The following EYA4 variants were observed in gnomAD, a reference collection of about 807,000 sequenced individuals.
The protein encoded by EYA4 is EYA transcriptional coactivator and phosphatase 4.
In EYA4, 31 loss-of-function variants were observed where a neutral mutation model predicts 87.9. That is an observed-to-expected ratio of 0.35 (90% confidence interval 0.27 to 0.48). The LOEUF (loss-of-function observed/expected upper bound fraction) is 0.48, where lower values mean the gene tolerates loss of function less well. Among genes scored for constraint, EYA4 ranks in the 20% least tolerant of loss-of-function variants. EYA4 has a pLI of 0.99. For synonymous variants in EYA4, 263 were observed against 270.6 expected, an observed-to-expected ratio of 0.97 and a Z score of 0.28; for missense variants, 678 against 761.4, an observed-to-expected ratio of 0.89 and a Z score of 1.29.
At chr6:133,317,072 G>A (rs1314021677) in intron 2 of EYA4, among the ~76,000 whole-genome samples, 1 of 152,088 alleles carries the variant, frequency 6.6e-6, no homozygotes, top group East Asian at 1.9e-4. Context: ...AGAGGTTAGA[G>A]AGACAAGAGT....
chr6:133,440,287 T>C (rs1792143795), intron 3 of EYA4, among the ~76,000 whole-genome samples: 1 of 152,216 alleles, frequency 6.6e-6, no homozygotes. Context: ...TGTACACATA[T>C]TTGAGGTGCT....
intron 2 of EYA4, among the ~76,000 whole-genome samples, chr6:133,307,368 A>G (rs553996422): frequency 6.6e-6 from 1 of 152,224 alleles, no homozygotes; most frequent in Non-Finnish European, 1.5e-5. Flanking sequence ...TAAAAGCTTC[A>G]GCAGAAATGC....
chr6:133,462,111 A>G, intron 7 of EYA4: 1 of 575,650 alleles, frequency 1.7e-6, no homozygotes, highest in Non-Finnish European at 3.1e-6. Flanking sequence ...CAGGTGTGGT[A>G]TAGACATAGG....
intron 1 of EYA4, among the ~76,000 whole-genome samples, chr6:133,261,967 A>T (rs577684171): frequency 6.6e-6 from 1 of 152,092 alleles, no homozygotes; most frequent in African/African-American, 2.4e-5. Flanking sequence ...TCATACATTT[A>T]TCCAGTAGTA....
chr6:133,475,964 GC>G (rs1377795613), intron 11 of EYA4, among the ~76,000 whole-genome samples: 1 of 151,996 alleles, frequency 6.6e-6, no homozygotes, highest in Non-Finnish European at 1.5e-5. Context: ...GAATTCTTTG[GC>G]CCTCCATCTC....
chr6:133,245,986 C>A (rs1209481675), intron 1 of EYA4, among the ~76,000 whole-genome samples: 4 of 152,132 alleles, frequency 2.6e-5, no homozygotes, highest in Admixed American at 2.0e-4. Context: ...TGAAAATGAA[C>A]ACTACTATTC....
chr6:133,266,058 G>A (rs967049260), intron 1 of EYA4, among the ~76,000 whole-genome samples: 2 of 152,152 alleles, frequency 1.3e-5, no homozygotes, highest in African/African-American at 2.4e-5. Context: ...AATTATACAT[G>A]TGTGGTGAGT....
intron 16 of EYA4, among the ~76,000 whole-genome samples, chr6:133,513,261 G>A (rs1016872087): frequency 3.3e-5 from 5 of 152,146 alleles, no homozygotes; most frequent in Non-Finnish European, 7.4e-5. Flanking sequence ...GTAACCTTGT[G>A]CCCAGATGTT....
intron 3 of EYA4, among the ~76,000 whole-genome samples, chr6:133,396,462 G>A (rs972378418): frequency 2.6e-5 from 4 of 152,130 alleles, no homozygotes; most frequent in Non-Finnish European, 4.4e-5. Context: ...CACCCTGCTC[G>A]GTGCAACAGC....
intron 2 of EYA4, among the ~76,000 whole-genome samples, chr6:133,284,973 C>T (rs537290496): frequency 6.7e-6 from 1 of 150,136 alleles, no homozygotes; most frequent in Non-Finnish European, 1.5e-5. Flanking sequence ...GGTGAAGGGA[C>T]AGCTGTGGTT....
chr6:133,472,943 C>T (rs1476418734), intron 11 of EYA4, among the ~76,000 whole-genome samples: 3 of 151,466 alleles, frequency 2.0e-5, no homozygotes, highest in Non-Finnish European at 4.4e-5. Flanking sequence ...TTTCCATTGG[C>T]TTGGTAGATC....
At chr6:133,313,940 G>A (rs1352723527) in intron 2 of EYA4, among the ~76,000 whole-genome samples, 1 of 152,060 alleles carries the variant, frequency 6.6e-6, no homozygotes, top group Non-Finnish European at 1.5e-5. Flanking sequence ...GTTAGAAATG[G>A]TCTGTCTTTT....
intron 14 of EYA4, chr6:133,510,545 C>A: frequency 4.0e-6 from 1 of 249,170 alleles, no homozygotes; most frequent in Admixed American, 4.5e-5. Flanking sequence ...AAAGCCCAGT[C>A]CAGCAGTTAC....
At chr6:133,289,139 T>A (rs1367202378) in intron 2 of EYA4, among the ~76,000 whole-genome samples, 1 of 152,280 alleles carries the variant, frequency 6.6e-6, no homozygotes, top group East Asian at 1.9e-4. Flanking sequence ...GACTTCAAGT[T>A]GTTGCAGAAG....
At chr6:133,518,716 C>T (rs1799829650) in intron 17 of EYA4, among the ~76,000 whole-genome samples, 1 of 152,146 alleles carries the variant, frequency 6.6e-6, no homozygotes, top group Admixed American at 6.6e-5. Flanking sequence ...CCACACCACA[C>T]CTATTCCAAA....
At chr6:133,413,408 T>G (rs1023643928) in intron 3 of EYA4, among the ~76,000 whole-genome samples, 4 of 151,274 alleles carry the variant, frequency 2.6e-5, no homozygotes, top group African/African-American at 9.7e-5. Flanking sequence ...TACCAAAAAC[T>G]TTTGTGTTAA....
At chr6:133,495,357 T>TTTATTTATAAATAAATATAAATATATTC (rs2128737740) in intron 13 of EYA4, among the ~76,000 whole-genome samples, 1 of 144,178 alleles carries the variant, frequency 6.9e-6, no homozygotes, top group East Asian at 2.0e-4. Flanking sequence ...GAGATATATT[T>TTTATTTATAAATAAATATAAATATATTC]ATTTATTTAT....
At chr6:133,281,779 A>G (rs1242683402) in intron 2 of EYA4, among the ~76,000 whole-genome samples, 10 of 151,962 alleles carry the variant, frequency 6.6e-5, no homozygotes, top group Non-Finnish European at 1.2e-4. Flanking sequence ...CCTCCCTGCC[A>G]CTTCCGGTAG....
intron 2 of EYA4, among the ~76,000 whole-genome samples, chr6:133,356,771 GTGTGTGTGTGTGTGTGTGTGTATATA>G (rs1350297570): frequency 6.9e-6 from 1 of 144,708 alleles, no homozygotes; most frequent in East Asian, 2.1e-4. Context: ...GTGTGTGTGT[GTGTGTGTGTGTGTGTGTGTGTATATA>G]TATATTTTAT....
Sources: allele counts gnomAD v4.1 joint callset (sites outside exome capture counted in the v4.1 genomes callset), GRCh38; gene constraint gnomAD v4.1.1; transcripts MANE v1.5; gene names NCBI Gene and HGNC (gene_info 2026-07-23, HGNC 2026-07-21).